The following CDH13 variants were observed in gnomAD, a reference collection of about 807,000 sequenced individuals.
CDH13 encodes the protein cadherin-13.
CDH13 carries 24 observed loss-of-function variants against 63.8 expected under a neutral mutation model. That is an observed-to-expected ratio of 0.38 (90% CI 0.27 to 0.53). The LOEUF (loss-of-function observed/expected upper bound fraction) is 0.53. CDH13 is among the 20% of genes least tolerant of loss of function. The probability of loss-of-function intolerance (pLI) is 0.85; values close to 1 mark genes in which losing one functional copy is unlikely to be tolerated. For synonymous variants in CDH13, 503 were observed against 355.3 expected, an observed-to-expected ratio of 1.42 and a Z score of -4.67; for missense variants, 1,049 against 903.1, an observed-to-expected ratio of 1.16 and a Z score of -2.07.
intron 2 of CDH13, among the ~76,000 whole-genome samples, chr16:83,013,625 A>G (rs866195785): frequency 7.2e-5 from 11 of 152,240 alleles, no homozygotes; most frequent in Middle Eastern, 3.2e-3. Context: ...ATGAACAGAA[A>G]ATCAGAAAGT....
intron 3 of CDH13, among the ~76,000 whole-genome samples, chr16:83,113,989 C>T (rs1045436073): frequency 2.0e-5 from 3 of 152,116 alleles, no homozygotes; most frequent in African/African-American, 7.2e-5. Flanking sequence ...TAAAAGATCT[C>T]GCTGGCTGCT....
intron 2 of CDH13, among the ~76,000 whole-genome samples, chr16:82,894,485 T>C (rs538435053): frequency 7.0e-4 from 106 of 152,014 alleles, no homozygotes; most frequent in African/African-American, 2.3e-3. Flanking sequence ...CTACTAATAA[T>C]ACAAAAATTA....
intron 1 of CDH13, among the ~76,000 whole-genome samples, chr16:82,743,934 C>G (rs2034046643): frequency 6.6e-6 from 1 of 152,122 alleles, no homozygotes; most frequent in Non-Finnish European, 1.5e-5. Context: ...TTGATTTGTT[C>G]ATCTGGCATG....
At chr16:82,796,852 G>A (rs1169592630) in intron 1 of CDH13, among the ~76,000 whole-genome samples, 1 of 152,206 alleles carries the variant, frequency 6.6e-6, no homozygotes, top group African/African-American at 2.4e-5. Context: ...GGGCCACAGT[G>A]TATTTCAGTG....
chr16:83,218,797 T>A (rs2039613514), intron 5 of CDH13, among the ~76,000 whole-genome samples: 1 of 152,166 alleles, frequency 6.6e-6, no homozygotes, highest in Admixed American at 6.5e-5. Context: ...ACACGTGTCA[T>A]GGGAGGGACC....
chr16:83,026,805 G>A (rs1915848177), intron 2 of CDH13, among the ~76,000 whole-genome samples: 1 of 152,114 alleles, frequency 6.6e-6, no homozygotes, highest in Non-Finnish European at 1.5e-5. Context: ...CATTCAAAAT[G>A]CACACACTGA....
chr16:83,618,232 C>T (rs1909469478), intron 8 of CDH13, among the ~76,000 whole-genome samples: 1 of 151,984 alleles, frequency 6.6e-6, no homozygotes. Flanking sequence ...CAAGACCAGC[C>T]TGGGCAACAT....
chr16:82,636,849 C>T (rs1908716144), intron 1 of CDH13, among the ~76,000 whole-genome samples: 1 of 152,154 alleles, frequency 6.6e-6, no homozygotes, highest in African/African-American at 2.4e-5. Flanking sequence ...TTGAATCTGC[C>T]AACCTGAGAG....
chr16:82,841,541 A>G (rs964246573), intron 1 of CDH13, among the ~76,000 whole-genome samples: 2 of 152,218 alleles, frequency 1.3e-5, no homozygotes, highest in Non-Finnish European at 2.9e-5. Context: ...AGCAATATTT[A>G]AATAACACAC....
chr16:82,967,211 C>T (rs547587279), intron 2 of CDH13, among the ~76,000 whole-genome samples: 16 of 152,018 alleles, frequency 1.1e-4, no homozygotes, highest in Admixed American at 1.0e-3. Context: ...TCTCTGCCAC[C>T]CCCACCCCCA....
intron 3 of CDH13, among the ~76,000 whole-genome samples, chr16:83,101,043 T>C (rs2034450591): frequency 6.6e-6 from 1 of 152,150 alleles, no homozygotes; most frequent in South Asian, 2.1e-4. Flanking sequence ...ACAAAAATTA[T>C]TTGTCAAATA....
Position 82,697,902 on chromosome 16 carries a change from G to T in CDH13, c.45+70765G>T, listed in dbSNP as rs1200548275. On this transcript the variant is annotated intron_variant, in intron 1 of 13. Transcript: ENST00000567109. ...CTGTGGAACTATACTGTTTATTGTT[G>T]CCCCAACATGACAGTGCTGGTGAGG... Among the ~76,000 whole-genome samples the T allele has an allele frequency of 5.3e-5, 8 of 152,106 alleles. 1 individual carries two copies. The highest frequency in any genetic ancestry group is 1.2e-4 in the Non-Finnish European group (8 of 68,024).
At chr16:83,460,658 A>T (rs888761198) in intron 6 of CDH13, among the ~76,000 whole-genome samples, 4 of 152,176 alleles carry the variant, frequency 2.6e-5, no homozygotes, top group Non-Finnish European at 4.4e-5. Flanking sequence ...AGAAACAGAT[A>T]AGAAGTAAAA....
intron 7 of CDH13, among the ~76,000 whole-genome samples, chr16:83,602,082 C>CAA (rs576973198): frequency 0.075 from 2,416 of 32,244 alleles, 342 homozygotes; most frequent in African/African-American, 0.26. Flanking sequence ...GACTCTGTCT[C>CAA]AAAAAAAAAA....
chr16:82,796,403 A>G (rs1042650323), intron 1 of CDH13, among the ~76,000 whole-genome samples: 2 of 152,148 alleles, frequency 1.3e-5, no homozygotes, highest in African/African-American at 2.4e-5. Flanking sequence ...CCGATTATTC[A>G]TTATTTTATG....
chr16:83,563,069 C>G (rs999480431), intron 7 of CDH13, among the ~76,000 whole-genome samples: 1 of 152,162 alleles, frequency 6.6e-6, no homozygotes, highest in Non-Finnish European at 1.5e-5. Context: ...CTTTCATGAT[C>G]AGAAGTACAG....
chr16:82,687,985 G>C (rs950136201), intron 1 of CDH13, among the ~76,000 whole-genome samples: 2 of 152,168 alleles, frequency 1.3e-5, no homozygotes, highest in African/African-American at 4.8e-5. Flanking sequence ...TTGCCACAAT[G>C]AAACATGGCA....
At chr16:83,563,877 T>TTTTG (rs2075748398) in intron 7 of CDH13, among the ~76,000 whole-genome samples, 1 of 152,196 alleles carries the variant, frequency 6.6e-6, no homozygotes, top group African/African-American at 2.4e-5. Flanking sequence ...GGATGGGTCG[T>TTTTG]TTTGTTTATT....
At chr16:83,174,680 T>G (rs1420288302) in intron 4 of CDH13, among the ~76,000 whole-genome samples, 1 of 152,100 alleles carries the variant, frequency 6.6e-6, no homozygotes, top group African/African-American at 2.4e-5. Flanking sequence ...TTAGTCTGTT[T>G]TCACACTTCT....
Sources: allele counts gnomAD v4.1 joint callset (sites outside exome capture counted in the v4.1 genomes callset), GRCh38; gene constraint gnomAD v4.1.1; transcripts MANE v1.5; gene names NCBI Gene and HGNC (gene_info 2026-07-23, HGNC 2026-07-21).